Variants in ZSWIM8 observed in about 807,000 individuals in gnomAD.
ZSWIM8 encodes the protein zinc finger SWIM-type containing 8.
A neutral mutation model predicts 173.7 loss-of-function variants in ZSWIM8; 27 were observed. That is an observed-to-expected ratio of 0.16 (90% CI 0.11 to 0.21). The LOEUF is 0.21. Among genes scored for constraint, ZSWIM8 ranks in the 10% least tolerant of loss-of-function variants. The pLI, the probability that ZSWIM8 is intolerant of heterozygous loss-of-function variation, is 1.00. For missense variants in ZSWIM8, 1,627 were observed against 2,428.8 expected, an observed-to-expected ratio of 0.67 and a Z score of 6.94; for synonymous variants, 958 against 962.0, an observed-to-expected ratio of 1.00 and a Z score of 0.08.
chr10:73,793,069 A>G (rs2083479943), intron 10 of ZSWIM8, among the ~76,000 whole-genome samples: 1 of 152,082 alleles, frequency 6.6e-6, no homozygotes, highest in African/African-American at 2.4e-5. Context: ...AAACCCTTCA[A>G]TGGGTTCCTG....
chr10:73,793,806 A>G (rs546407854), intron 11 of ZSWIM8, 59 bp from the exon 12 acceptor site: 15 of 1,548,648 alleles, frequency 9.7e-6, no homozygotes, highest in Middle Eastern at 1.8e-4. Context: ...GCATCCTTCT[A>G]CCTCCACCAA....
rs772037861 is a variant in ZSWIM8 at position 73,792,128 on chromosome 10, G to A, written c.1589G>A (p.Arg530Gln). 1.6e-5 allele frequency: 25 copies of A among 1,528,142 alleles called. No individual in the cohort carries two copies. In the African/African-American group the frequency reaches 2.3e-4, roughly 14 times the overall value. 94.7% of individuals were successfully genotyped at this position (1,528,142 alleles called of 1,614,324 possible). Residue 530 changes from arginine to glutamine, a missense_variant, in exon 10 of 26, where the codon CGG (arginine) becomes CAG (glutamine). By Grantham distance (43) the Arg-to-Gln change is conservative. Around this residue, in one of 18 missense-constraint regions of ZSWIM8, gnomAD observed 383 missense variants for 394.8 expected, o/e 0.97. Coordinates refer to ENST00000604729, the MANE Select transcript of ZSWIM8 (RefSeq NM_001367799.1). This position sits in a 1 kb window ranked among gnomAD's most constrained non-coding sequence, Gnocchi z 4.3. ...RSGGLEESRD[R>Q]PRPLPTEPAV... The stretch of plus-strand genomic sequence containing the variant: ...GGGGGCCTGGAGGAATCCCGGGACC[G>A]GCCCCGACCCCTTCCTACTGAGCCA...
chr10:73,794,249 C>T lies in ZSWIM8; in HGVS notation c.2728C>T (p.Arg910Trp), dbSNP rs931207839. Residue 910 changes from arginine (R) to tryptophan (W), a missense_variant, in exon 13 of 26, where the codon CGG (arginine) becomes TGG (tryptophan). Arg to Trp is a moderately radical substitution (Grantham distance 101). Around this residue, in one of 18 missense-constraint regions of ZSWIM8, gnomAD observed 169 missense variants for 235.3 expected, o/e 0.72. Transcript: ENST00000604729. ...CATGCGGTGCCGGGCAGAGGAACTT[C>T]GGGAGGGGACACTCTGTGACTATCG... ...STMRCRAEEL[R>W]EGTLCDYRPV... 1.2e-6 allele frequency: 2 copies of T among 1,614,000 alleles called. No homozygotes were observed. The highest frequency in any genetic ancestry group is 1.7e-6 in the Non-Finnish European group (2 of 1,179,898).
Position 73,789,624 on chromosome 10 carries a change from C to A in ZSWIM8, c.630+85C>A. 6.5e-7 allele frequency: 1 copy of A among 1,545,020 alleles called. No homozygotes were observed. Among genetic ancestry groups the A allele is most frequent in the Non-Finnish European group, 8.8e-7 (1 of 1,138,744 alleles). On this transcript the variant is annotated intron_variant, in intron 4 of 25. Coordinates refer to ENST00000604729, the MANE Select transcript of ZSWIM8 (RefSeq NM_001367799.1). The surrounding 1 kb of genome is among the most constrained non-coding windows in gnomAD (Gnocchi z 6.8). ...GCATGCCTGGCTACAATGTGAGCCCCCTCGCCTCGCCTACTCTGCCTCTCT... is the reference window on the plus strand; with the variant it reads ...GCATGCCTGGCTACAATGTGAGCCCACTCGCCTCGCCTACTCTGCCTCTCT...
At position 73,801,708 on chromosome 10, in the gene ZSWIM8, G is replaced by C; in HGVS notation, c.*189G>C. On this transcript the variant is annotated 3_prime_UTR_variant, in exon 26 of 26. Coordinates refer to ENST00000604729, the MANE Select transcript of ZSWIM8 (RefSeq NM_001367799.1). This position sits in a 1 kb window ranked among gnomAD's most constrained non-coding sequence, Gnocchi z 4.9. ...ACACCCTAGAAGCCTAGGGCTGGGG[G>C]AGACAGCCCTGTCTGGGAGGGGGCG... The C allele has an allele frequency of 2.0e-6, 3 of 1,532,868 alleles. 1 individual carries two copies. Among genetic ancestry groups the C allele is most frequent in the East Asian group, 4.9e-5 (2 of 40,770 alleles). The allele number at this position is 1,532,868 out of a possible 1,614,324, so 95.0% of individuals were successfully genotyped here.
At position 73,789,164 on chromosome 10, in the gene ZSWIM8, G is replaced by A. The variant is rs2083325188; in HGVS notation, c.431G>A (p.Arg144Gln). The change falls in exon 3 of 26, where the codon CGG (arginine) becomes CAG (glutamine). Residue 144 changes from arginine (R) to glutamine (Q), a missense_variant. This residue lies in a region of ZSWIM8 where 29 missense variants were observed against 108.2 expected (regional missense o/e 0.27). Coordinates refer to ENST00000604729, the MANE Select transcript of ZSWIM8 (RefSeq NM_001367799.1). The surrounding 1 kb of genome is among the most constrained non-coding windows in gnomAD (Gnocchi z 6.8). ...CGAGGGGATCAGCTCTTCCGCATGC[G>A]GGCTGTGAAGGACCCATTGCAGATA... ...FQRGDQLFRM[R>Q]AVKDPLQIGF... is the part of the protein sequence containing the mutation. The A allele has an allele frequency of 1.9e-6, 3 of 1,613,986 alleles. No homozygotes were observed. The highest frequency in any genetic ancestry group is 1.7e-6 in the Non-Finnish European group (2 of 1,179,876).
Position 73,799,258 on chromosome 10 carries a change from C to G in ZSWIM8, c.4433C>G (p.Ala1478Gly), listed in dbSNP as rs1160174568. 1 of 1,597,606 alleles carries G rather than the reference C, an allele frequency of 6.3e-7. No homozygotes were observed. The highest frequency in any genetic ancestry group is 1.8e-5 in the Admixed American group (1 of 57,040). The change falls in exon 21 of 26, where the codon GCA becomes GGA. Residue 1478 changes from alanine to glycine, a missense_variant. Ala to Gly is a moderately conservative substitution (Grantham distance 60). This residue lies in a region of ZSWIM8 where 275 missense variants were observed against 290.1 expected (regional missense o/e 0.95). Transcript: ENST00000604729. Reference sequence around the variant, plus strand: ...ACTGAGCCGGTTACAGTGGCAGCGGCAGCAGTGACAGCAGCAGCCACAGTG... The same window carrying G: ...ACTGAGCCGGTTACAGTGGCAGCGGGAGCAGTGACAGCAGCAGCCACAGTG... ...PGTEPVTVAA[A>G]AVTAAATVVP...
Position 73,791,746 on chromosome 10 carries a change from A to C in ZSWIM8, c.1320-113A>C. On this transcript the variant is annotated intron_variant, in intron 9 of 25. Transcript: ENST00000604729. The surrounding 1 kb of genome is among the most constrained non-coding windows in gnomAD (Gnocchi z 6.0). ...TCAGTGATGCTTATGGGGCTGGGTCAAGAAGTACTTTCCTGTATCCTTTCC... is the reference window on the plus strand; with the variant it reads ...TCAGTGATGCTTATGGGGCTGGGTCCAGAAGTACTTTCCTGTATCCTTTCC... 1 of 1,387,290 alleles carries C rather than the reference A, an allele frequency of 7.2e-7. No individual in the cohort carries two copies. The highest frequency in any genetic ancestry group is 9.5e-7 in the Non-Finnish European group (1 of 1,049,200). The allele number at this position is 1,387,290 out of a possible 1,614,324, so 85.9% of individuals were successfully genotyped here. A position where few individuals can be genotyped will look rare whatever the true frequency, so the allele number is the denominator to read the frequency against.
chr10:73,799,165 G>A lies in ZSWIM8; in HGVS notation c.4340G>A (p.Ser1447Asn), dbSNP rs747054969. The A allele has an allele frequency of 1.2e-5, 20 of 1,612,276 alleles. No homozygotes were observed. Among genetic ancestry groups the A allele is most frequent in the Non-Finnish European group, 1.6e-5 (19 of 1,179,196 alleles). Reference protein sequence around the residue: ...STAREGATSCSASGIRAGGEA... With the variant: ...STAREGATSCNASGIRAGGEA... ...GCCCGTGAAGGGGCTACAAGCTGTA[G>A]TGCCAGTGGGATCAGGGCAGGTGGG... The change falls in exon 21 of 26, where the codon AGT (serine) becomes AAT (asparagine). Residue 1447 changes from serine to asparagine, a missense_variant. Ser to Asn is a conservative substitution (Grantham distance 46). Coordinates refer to ENST00000604729, the MANE Select transcript of ZSWIM8 (RefSeq NM_001367799.1).
intron 2 of ZSWIM8, 51 bp downstream of exon 2, chr10:73,788,874 G>A: frequency 6.2e-7 from 1 of 1,603,354 alleles, no homozygotes; most frequent in South Asian, 1.1e-5. Flanking sequence ...ACTCCACACT[G>A]TCTGCTGGGT....
chr10:73,787,104 C>G (rs1019395230), intron 1 of ZSWIM8, among the ~76,000 whole-genome samples: 1 of 152,110 alleles, frequency 6.6e-6, no homozygotes, highest in Admixed American at 6.5e-5. Context: ...TCACCATGCC[C>G]GGCTAATTTT....
chr10:73,801,620 C>T lies in ZSWIM8; in HGVS notation c.*101C>T, dbSNP rs937299370. ...CTTGGCTGGACAGATCATCCTCACTCAGTTCCCTGGTAGCACAGACTGACA... is the reference window on the plus strand; with the variant it reads ...CTTGGCTGGACAGATCATCCTCACTTAGTTCCCTGGTAGCACAGACTGACA... On this transcript the variant is annotated 3_prime_UTR_variant, in exon 26 of 26. Transcript: ENST00000604729. The surrounding 1 kb of genome is among the most constrained non-coding windows in gnomAD (Gnocchi z 4.9). The T allele has an allele frequency of 3.2e-5, 49 of 1,542,478 alleles. No homozygotes were observed. The highest frequency in any genetic ancestry group is 4.2e-5 in the Non-Finnish European group (48 of 1,149,420).
Position 73,785,777 on chromosome 10 carries a change from C to T in ZSWIM8, c.-102C>T. On this transcript the variant is annotated 5_prime_UTR_variant, in exon 1 of 26. Transcript: ENST00000604729. ...CCTGAGCGCCCCGGCCACCCCCAGC[C>T]CCGGCTCGCCCCTCAGGCCCCGGGC... 4 of 1,311,056 alleles carry T rather than the reference C, an allele frequency of 3.1e-6. No individual in the cohort carries two copies. Among genetic ancestry groups the T allele is most frequent in the South Asian group, 1.3e-5 (1 of 75,526 alleles). The allele number at this position is 1,311,056 out of a possible 1,614,324, so 81.2% of individuals were successfully genotyped here. A position where few individuals can be genotyped will look rare whatever the true frequency, so the allele number is the denominator to read the frequency against.
At position 73,800,636 on chromosome 10, in the gene ZSWIM8, C is replaced by T. The variant is rs201862704; in HGVS notation, c.5003-4C>T. 2 of 1,602,956 alleles carry T rather than the reference C, an allele frequency of 1.2e-6. No individual in the cohort carries two copies. Among genetic ancestry groups the T allele is most frequent in the Admixed American group, 1.7e-5 (1 of 59,328 alleles). ...CCATGTGCCCACCCTTATCTATCTC[C>T]CAGGAATGCTGGCACTGGAGATGCT... is the stretch of plus-strand genomic sequence containing the variant. On this transcript the variant is annotated splice_region_variant and splice_polypyrimidine_tract_variant and intron_variant, in intron 23 of 25. Transcript: ENST00000604729. This position sits in a 1 kb window ranked among gnomAD's most constrained non-coding sequence, Gnocchi z 4.1.
Position 73,801,665 on chromosome 10 carries a change from T to C in ZSWIM8, c.*146T>C, listed in dbSNP as rs1467401236. 7.2e-6 allele frequency: 11 copies of C among 1,535,258 alleles called. No homozygotes were observed. Among genetic ancestry groups the C allele is most frequent in the Middle Eastern group, 1.7e-4 (1 of 5,990 alleles). On this transcript the variant is annotated 3_prime_UTR_variant, in exon 26 of 26. Transcript: ENST00000604729. This position sits in a 1 kb window ranked among gnomAD's most constrained non-coding sequence, Gnocchi z 4.9. ...CTGACAGCTGCTCTTGGGCTATAGC[T>C]TGGGGCCAAGATGTCTCACACCCTA...
At position 73,793,677 on chromosome 10, in the gene ZSWIM8, A is replaced by G. The variant is rs1358592848; in HGVS notation, c.2403A>G (p.Leu801=). The G allele has an allele frequency of 5.0e-6, 8 of 1,613,490 alleles. No homozygotes were observed. In the African/African-American group the frequency reaches 6.7e-5, roughly 13 times the overall value. ...RLTVELAQDL[L]ANPPDLKVEP... is the part of the protein sequence containing the mutation. ...CTGTGGAGCTTGCCCAGGATCTGCT[A>G]GCCAACCCACCCGACCTCAAGGTAG... The change falls in exon 11 of 26, where the codon CTA becomes CTG. Residue 801 remains leucine (L), a synonymous_variant. Coordinates refer to ENST00000604729, the MANE Select transcript of ZSWIM8 (RefSeq NM_001367799.1).
Position 73,785,845 on chromosome 10 carries a change from G to T in ZSWIM8, c.-34G>T. On this transcript the variant is annotated 5_prime_UTR_variant, in exon 1 of 26. Coordinates refer to ENST00000604729, the MANE Select transcript of ZSWIM8 (RefSeq NM_001367799.1). ...CCGGCGGCCCAGGCCCCGGATCCGC[G>T]GGGGGGGACCCGGCCCCGGGGGGTG... 5.5e-6 allele frequency: 8 copies of T among 1,453,478 alleles called. No individual in the cohort carries two copies. Among genetic ancestry groups the T allele is most frequent in the Non-Finnish European group, 6.4e-6 (7 of 1,097,652 alleles). 90.0% of individuals were successfully genotyped at this position (1,453,478 alleles called of 1,614,324 possible). A position where few individuals can be genotyped will look rare whatever the true frequency, so the allele number is the denominator to read the frequency against.
Position 73,800,620 on chromosome 10 carries a change from C to T in ZSWIM8, c.5003-20C>T. The stretch of plus-strand genomic sequence containing the variant: ...AAGAGGATACACCGTACCATGTGCC[C>T]ACCCTTATCTATCTCCCAGGAATGC... On this transcript the variant is annotated intron_variant, in intron 23 of 25. Transcript: ENST00000604729. This position sits in a 1 kb window ranked among gnomAD's most constrained non-coding sequence, Gnocchi z 4.1. 1 of 1,610,422 alleles carries T rather than the reference C, an allele frequency of 6.2e-7. No individual in the cohort carries two copies. Among genetic ancestry groups the T allele is most frequent in the East Asian group, 2.2e-5 (1 of 44,790 alleles).
rs201525638 is a variant in ZSWIM8 at position 73,796,992 on chromosome 10, C to T, written c.3252C>T (p.Gly1084=). 1.6e-4 allele frequency: 256 copies of T among 1,611,546 alleles called. No individual in the cohort carries two copies. The East Asian group carries it at 4.2e-3, about 26-fold the overall frequency. Residue 1084 remains glycine, a synonymous_variant, in exon 16 of 26, where the codon GGC becomes GGT. Transcript: ENST00000604729. ...GGGCTGGGCCAGGCCCCACTGAGGGCTTCACAGAGAAGAATGTGCCTGGTG... is the reference window on the plus strand; with the variant it reads ...GGGCTGGGCCAGGCCCCACTGAGGGTTTCACAGAGAAGAATGTGCCTGGTG... ...VAGAGPGPTE[G]FTEKNVPESS...
Sources: gnomAD v4.1 joint callset for allele counts (sites outside exome capture counted in the v4.1 genomes callset) on GRCh38, gnomAD v4.1.1 for gene constraint, gnomAD v4.1.1 regional missense constraint, Gnocchi (gnomAD v3.1) non-coding constraint, MANE v1.5 for transcripts, NCBI Gene and HGNC (gene_info 2026-07-23, HGNC 2026-07-21) for gene names.